The following RGP1 variants were observed in gnomAD, a reference collection of about 807,000 sequenced individuals.
RGP1 encodes RGP1 partner of RAB6A GEF complex.
RGP1 carries 28 observed loss-of-function variants against 44.5 expected under a neutral mutation model. That is an observed-to-expected ratio of 0.63 (90% CI 0.47 to 0.86). The LOEUF is 0.86. Ranked by LOEUF, RGP1 falls within the 40% of genes least tolerant of loss-of-function variation. RGP1 has a pLI of 0.00. For synonymous variants in RGP1, 212 were observed against 196.7 expected (o/e 1.08, Z -0.65); for missense variants, 417 against 490.7 (o/e 0.85, Z 1.42).
At position 35,753,650 on chromosome 9, in the gene RGP1, G is replaced by A; in HGVS notation, c.*776G>A. ...AGAGTCATTCTCTCTGGCCATCTTT[G>A]GTCACTCACGTGTCACAGCAGCCCA... On this transcript the variant is annotated 3_prime_UTR_variant, in exon 9 of 9. Coordinates refer to ENST00000378078, the MANE Select transcript of RGP1 (RefSeq NM_001080496.3). The surrounding 1 kb of genome is among the most constrained non-coding windows in gnomAD (Gnocchi z 4.2). 6.2e-7 allele frequency: 1 copy of A among 1,605,662 alleles called. No individual in the cohort carries two copies. Among genetic ancestry groups the A allele is most frequent in the Non-Finnish European group, 8.5e-7 (1 of 1,172,798 alleles).
rs1057440326 is a variant in RGP1 at position 35,753,520 on chromosome 9, T to C, written c.*646T>C. 1.6e-5 allele frequency: 13 copies of C among 800,658 alleles called. No homozygotes were observed. Among genetic ancestry groups the C allele is most frequent in the Non-Finnish European group, 2.4e-5 (12 of 495,988 alleles). 49.6% of individuals were successfully genotyped at this position (800,658 alleles called of 1,614,324 possible). ...TAGCCTGAAGCCTTATCTTTCACAC[T>C]AGTGTTGGTCCCTTCAGGTTTGGCC... is the stretch of plus-strand genomic sequence containing the variant. On this transcript the variant is annotated 3_prime_UTR_variant, in exon 9 of 9. Transcript: ENST00000378078. This position sits in a 1 kb window ranked among gnomAD's most constrained non-coding sequence, Gnocchi z 4.2.
rs367815815 is a variant in RGP1, at chr9:35,752,742, C to T, written c.1044C>T (p.Thr348=). ...LLPPVEQPEP[T]TWTGPEQVPV... ...CCCCTGTGGAACAGCCCGAACCTAC[C>T]ACCTGGACAGGACCTGAGCAAGTAC... The change falls in exon 9 of 9, where the codon ACC becomes ACT. Residue 348 remains threonine, a synonymous_variant. Transcript: ENST00000378078. 73 of 1,613,756 alleles carry T rather than the reference C, an allele frequency of 4.5e-5. 2 individuals carry two copies. In the Admixed American group the frequency reaches 1.0e-3, roughly 23 times the overall value.
the RGP1 span, among the ~76,000 whole-genome samples, chr9:35,788,099 A>C: frequency 6.6e-6 from 1 of 152,234 alleles, no homozygotes; most frequent in Non-Finnish European, 1.5e-5. Flanking sequence ...GAAAATTAGC[A>C]TGAGCCCGAA....
rs938717681 is a variant in RGP1, at chr9:35,753,483, T to G, written c.*609T>G. On this transcript the variant is annotated 3_prime_UTR_variant, in exon 9 of 9. Transcript: ENST00000378078. This position sits in a 1 kb window ranked among gnomAD's most constrained non-coding sequence, Gnocchi z 4.2. ...TTTTCTCTCCAGGTCCACCCCAACC[T>G]CCCCTGATTTATAGCCTGAAGCCTT... is the stretch of plus-strand genomic sequence containing the variant. 13 of 767,918 alleles carry G rather than the reference T, an allele frequency of 1.7e-5. No individual in the cohort carries two copies. Among genetic ancestry groups the G allele is most frequent in the Non-Finnish European group, 2.5e-5 (12 of 477,046 alleles). The allele number at this position is 767,918 out of a possible 1,614,324, so 47.6% of individuals were successfully genotyped here.
In RGP1 at chr9:35,754,069, T is replaced by C. The variant is rs766659811; in HGVS notation, c.*1195T>C. 1.8e-5 allele frequency: 29 copies of C among 1,613,782 alleles called. No homozygotes were observed. Among genetic ancestry groups the C allele is most frequent in the Admixed American group, 1.7e-5 (1 of 59,980 alleles). Reference sequence around the variant, plus strand: ...AGGAGTAGAGACATCACCAAGCAGATGATCCCCCAGCCTCCTAGGATCCCC... The same window carrying C: ...AGGAGTAGAGACATCACCAAGCAGACGATCCCCCAGCCTCCTAGGATCCCC... On this transcript the variant is annotated 3_prime_UTR_variant, in exon 9 of 9. Coordinates refer to ENST00000378078, the MANE Select transcript of RGP1 (RefSeq NM_001080496.3).
At chr9:35,778,158 C>T in the RGP1 span, among the ~76,000 whole-genome samples, 9 of 152,112 alleles carry the variant, frequency 5.9e-5, no homozygotes, top group Admixed American at 2.6e-4. Flanking sequence ...AAAAATTGGC[C>T]GGGCGTGGTG....
downstream of RGP1, among the ~76,000 whole-genome samples, chr9:35,759,935 T>G (rs563711839): frequency 2.8e-4 from 43 of 152,076 alleles, no homozygotes; most frequent in Non-Finnish European, 5.9e-4. Flanking sequence ...TTTTTTTCAT[T>G]TTTTGTGCCT....
intron 2 of RGP1, 40 bp from the exon 3 acceptor site, chr9:35,750,203 C>T: frequency 6.3e-7 from 1 of 1,597,700 alleles, no homozygotes; most frequent in Non-Finnish European, 8.5e-7. Context: ...TTTGTGAGGT[C>T]AGGAACTACC....
In RGP1 at chr9:35,750,907, C is replaced by T. The variant is rs1162652561; in HGVS notation, c.405C>T (p.Val135=). The T allele has an allele frequency of 3.7e-6, 6 of 1,613,864 alleles. No individual in the cohort carries two copies. The highest frequency in any genetic ancestry group is 5.1e-6 in the Non-Finnish European group (6 of 1,179,860). Residue 135 remains valine, a synonymous_variant, in exon 5 of 9, where the codon GTC becomes GTT. Transcript: ENST00000378078. ...TTCGGGGTCAGTCAGTCAAGTACGT[C>T]TACAAACTGACCATTGGCTGCCAGC... ...PSFRGQSVKY[V]YKLTIGCQRV...
chr9:35,789,318 C>T, the RGP1 span, among the ~76,000 whole-genome samples: 1 of 146,332 alleles, frequency 6.8e-6, no homozygotes. Context: ...GCACCAGGCT[C>T]CTTCCACTTC....
At chr9:35,770,300 G>A in the RGP1 span, among the ~76,000 whole-genome samples, 1 of 152,186 alleles carries the variant, frequency 6.6e-6, no homozygotes, top group African/African-American at 2.4e-5. Flanking sequence ...AGAACACTGG[G>A]TGGGAAGATA....
chr9:35,751,556 G>A, intron 6 of RGP1, 71 bp from the exon 7 acceptor site: 2 of 1,605,326 alleles, frequency 1.2e-6, no homozygotes, highest in South Asian at 1.1e-5. Context: ...CCATCTTTTG[G>A]CCTGTGGTGC....
the RGP1 span, among the ~76,000 whole-genome samples, chr9:35,781,983 G>GTTT: frequency 1.8e-4 from 16 of 90,656 alleles, no homozygotes; most frequent in South Asian, 4.2e-4. Flanking sequence ...TATTTCTCTC[G>GTTT]TTTTTTTTTT....
the RGP1 span, chr9:35,786,867 G>C: frequency 6.6e-6 from 1 of 152,002 alleles, no homozygotes; most frequent in Non-Finnish European, 1.5e-5. Flanking sequence ...AGGCCGAGGT[G>C]GGCAGATCAC....
Position 35,754,055 on chromosome 9 carries a change from C to T in RGP1, c.*1181C>T, listed in dbSNP as rs189235807. 402 of 1,613,886 alleles carry T rather than the reference C, an allele frequency of 2.5e-4. 5 individuals carry two copies. The highest frequency in any genetic ancestry group is 2.5e-3 in the South Asian group (224 of 91,080). On this transcript the variant is annotated 3_prime_UTR_variant, in exon 9 of 9. Transcript: ENST00000378078. Reference sequence around the variant, plus strand: ...CTCCTGGGTGCTGGAGGAGTAGAGACATCACCAAGCAGATGATCCCCCAGC... The same window carrying T: ...CTCCTGGGTGCTGGAGGAGTAGAGATATCACCAAGCAGATGATCCCCCAGC...
the RGP1 span, among the ~76,000 whole-genome samples, chr9:35,768,303 C>A: frequency 2.0e-5 from 3 of 152,204 alleles, no homozygotes; most frequent in East Asian, 5.8e-4. Flanking sequence ...CTCAAGCGAT[C>A]CACCCACCTT....
chr9:35,753,003 A>G lies in RGP1; in HGVS notation c.*129A>G. 1.3e-6 allele frequency: 2 copies of G among 1,545,926 alleles called. No homozygotes were observed. Among genetic ancestry groups the G allele is most frequent in the African/African-American group, 1.4e-5 (1 of 73,276 alleles). Reference sequence around the variant, plus strand: ...TGAGAGTCGGGCTTTCAGCTATAGCATTAATTTATTTGTTCAGAATACATT... The same window carrying G: ...TGAGAGTCGGGCTTTCAGCTATAGCGTTAATTTATTTGTTCAGAATACATT... On this transcript the variant is annotated 3_prime_UTR_variant, in exon 9 of 9. Coordinates refer to ENST00000378078, the MANE Select transcript of RGP1 (RefSeq NM_001080496.3). The surrounding 1 kb of genome is among the most constrained non-coding windows in gnomAD (Gnocchi z 4.2).
At chr9:35,778,423 G>A in the RGP1 span, among the ~76,000 whole-genome samples, 15 of 152,276 alleles carry the variant, frequency 9.9e-5, no homozygotes, top group Admixed American at 9.2e-4. Context: ...CAAAAGCTAC[G>A]TTTTAAAGCA....
chr9:35,753,834 C>T lies in RGP1; in HGVS notation c.*960C>T, dbSNP rs955510816. On this transcript the variant is annotated 3_prime_UTR_variant, in exon 9 of 9. Transcript: ENST00000378078. The surrounding 1 kb of genome is among the most constrained non-coding windows in gnomAD (Gnocchi z 4.2). ...GATGAGAGGCAGAGGCTCTTCTGGT[C>T]TGGGGTGGAGACAGTAAGTACGCAC... 4 of 1,546,148 alleles carry T rather than the reference C, an allele frequency of 2.6e-6. No homozygotes were observed. Among genetic ancestry groups the T allele is most frequent in the Non-Finnish European group, 3.6e-6 (4 of 1,122,358 alleles).
Sources: allele counts gnomAD v4.1 joint callset (sites outside exome capture counted in the v4.1 genomes callset), GRCh38; gene constraint gnomAD v4.1.1; non-coding constraint Gnocchi (gnomAD v3.1); transcripts MANE v1.5; gene names NCBI Gene and HGNC (gene_info 2026-07-23, HGNC 2026-07-21).